Variants in ACVR1 observed in about 807,000 individuals in gnomAD.
The protein encoded by ACVR1 is activin A receptor type 1.
A neutral mutation model predicts 57.1 loss-of-function variants in ACVR1; 38 were observed. The ratio of observed to expected loss-of-function variants is 0.67; its 90% CI spans 0.51 to 0.87. The LOEUF (loss-of-function observed/expected upper bound fraction) is 0.87, where lower values mean the gene tolerates loss of function less well. Ranked by LOEUF, ACVR1 falls within the 40% of genes least tolerant of loss-of-function variation. The probability of loss-of-function intolerance (pLI) is 0.00; values close to 1 mark genes in which losing one functional copy is unlikely to be tolerated. For missense variants in ACVR1, 463 were observed against 638.2 expected (o/e 0.73, Z 2.96); for synonymous variants, 212 against 228.1 (o/e 0.93, Z 0.63).
At chr2:157,744,517 C>T (rs1684888883) in intron 9 of ACVR1, among the ~76,000 whole-genome samples, 1 of 152,106 alleles carries the variant, frequency 6.6e-6, no homozygotes, top group Non-Finnish European at 1.5e-5. Flanking sequence ...TAATAATTTC[C>T]TTTCAAAACA....
chr2:157,778,663 C>T (rs1230628864), intron 4 of ACVR1, among the ~76,000 whole-genome samples: 8 of 152,160 alleles, frequency 5.3e-5, no homozygotes, highest in African/African-American at 9.7e-5. Context: ...TGGTATGTTT[C>T]GCCATCAAGC....
intron 3 of ACVR1, among the ~76,000 whole-genome samples, chr2:157,795,808 T>G (rs1687092383): frequency 6.6e-6 from 1 of 152,152 alleles, no homozygotes; most frequent in African/African-American, 2.4e-5. Flanking sequence ...CCCACTCTTT[T>G]CCCCATTCTC....
At chr2:157,738,673 A>G (rs1684634708) in intron 9 of ACVR1, 103 bp from the exon 10 acceptor site, 1 of 1,556,768 alleles carries the variant, frequency 6.4e-7, no homozygotes, top group African/African-American at 1.4e-5. Flanking sequence ...AGAAGAAAAT[A>G]CTAATCACCT....
chr2:157,869,019 A>G (rs1028056895), intron 1 of ACVR1, among the ~76,000 whole-genome samples: 1 of 152,196 alleles, frequency 6.6e-6, no homozygotes, highest in Non-Finnish European at 1.5e-5. Flanking sequence ...TATGGGGGTC[A>G]TCTTCCCCAC....
intron 3 of ACVR1, among the ~76,000 whole-genome samples, chr2:157,786,821 G>A (rs2105289544): frequency 6.6e-6 from 1 of 152,254 alleles, no homozygotes; most frequent in East Asian, 1.9e-4. Flanking sequence ...GGTCAGTGCA[G>A]GACTTGGCTG....
intron 1 of ACVR1, among the ~76,000 whole-genome samples, chr2:157,845,887 C>T (rs1689114089): frequency 6.6e-6 from 1 of 152,144 alleles, no homozygotes; most frequent in Non-Finnish European, 1.5e-5. Flanking sequence ...ATAAAATGTA[C>T]AATGTGCTGT....
intron 2 of ACVR1, among the ~76,000 whole-genome samples, chr2:157,803,532 C>T (rs562300149): frequency 3.3e-5 from 5 of 152,136 alleles, no homozygotes; most frequent in Non-Finnish European, 5.9e-5. Context: ...AACATCAATA[C>T]GCTAAAATCT....
At chr2:157,753,380 T>C (rs894944697) in intron 9 of ACVR1, among the ~76,000 whole-genome samples, 8 of 151,984 alleles carry the variant, frequency 5.3e-5, no homozygotes, top group African/African-American at 1.9e-4. Flanking sequence ...ATACAAAAAT[T>C]AGCTGGGTGT....
At chr2:157,863,471 C>A (rs1238056899) in intron 1 of ACVR1, among the ~76,000 whole-genome samples, 1 of 146,660 alleles carries the variant, frequency 6.8e-6, no homozygotes, top group Non-Finnish European at 1.5e-5. Flanking sequence ...CCGAGGCCAG[C>A]GGATCACCTG....
chr2:157,771,458 T>C (rs995708114), intron 6 of ACVR1, among the ~76,000 whole-genome samples: 1 of 151,992 alleles, frequency 6.6e-6, no homozygotes, highest in Non-Finnish European at 1.5e-5. Context: ...GAGGAGGAGG[T>C]AATTACCACA....
chr2:157,844,237 T>C (rs1350452468), intron 1 of ACVR1, among the ~76,000 whole-genome samples: 1 of 152,132 alleles, frequency 6.6e-6, no homozygotes, highest in Non-Finnish European at 1.5e-5. Flanking sequence ...CTGGAAAGGA[T>C]TCCAGTGAAG....
intron 8 of ACVR1, among the ~76,000 whole-genome samples, chr2:157,764,237 C>T (rs1041685812): frequency 6.6e-6 from 1 of 152,058 alleles, no homozygotes; most frequent in Non-Finnish European, 1.5e-5. Flanking sequence ...GGCTGGAGTG[C>T]AATAGCGCGA....
At chr2:157,822,238 C>G (rs764313170) in intron 1 of ACVR1, among the ~76,000 whole-genome samples, 50 of 152,196 alleles carry the variant, frequency 3.3e-4, no homozygotes, top group Admixed American at 1.1e-3. Flanking sequence ...AGTTTTCCAA[C>G]CTATTAAATG....
At chr2:157,760,105 A>G (rs865999634) in intron 9 of ACVR1, among the ~76,000 whole-genome samples, 11 of 152,178 alleles carry the variant, frequency 7.2e-5, no homozygotes, top group Middle Eastern at 3.2e-3. Context: ...AGAGCAATCA[A>G]GCAAGACAAA....
At chr2:157,855,330 AC>A (rs1288424026) in intron 1 of ACVR1, among the ~76,000 whole-genome samples, 3 of 126,624 alleles carry the variant, frequency 2.4e-5, no homozygotes, top group Non-Finnish European at 5.0e-5. Context: ...ATATACACAC[AC>A]ACACACACAC....
intron 3 of ACVR1, among the ~76,000 whole-genome samples, chr2:157,793,424 A>G (rs1416280200): frequency 6.6e-6 from 1 of 152,162 alleles, no homozygotes; most frequent in Non-Finnish European, 1.5e-5. Flanking sequence ...ACTTCCCAGG[A>G]AGGAAAGGCT....
intron 9 of ACVR1, among the ~76,000 whole-genome samples, chr2:157,748,525 T>C (rs944655998): frequency 6.6e-6 from 1 of 152,038 alleles, no homozygotes; most frequent in Non-Finnish European, 1.5e-5. Flanking sequence ...TGCAAAACAA[T>C]TTCTCTGTTG....
intron 1 of ACVR1, among the ~76,000 whole-genome samples, chr2:157,842,080 C>T (rs529454597): frequency 3.6e-4 from 54 of 150,932 alleles, no homozygotes; most frequent in Admixed American, 5.9e-4. Context: ...ACTCAGGGAT[C>T]ACTCTGCTAC....
chr2:157,765,566 T>G (rs1685832547), intron 8 of ACVR1, among the ~76,000 whole-genome samples: 1 of 151,642 alleles, frequency 6.6e-6, no homozygotes, highest in Admixed American at 6.6e-5. Flanking sequence ...AAATTTTACC[T>G]GAAAAAAAGA....
Sources: gnomAD v4.1 joint callset for allele counts (sites outside exome capture counted in the v4.1 genomes callset) on GRCh38, gnomAD v4.1.1 for gene constraint, MANE v1.5 for transcripts, NCBI Gene and HGNC (gene_info 2026-07-23, HGNC 2026-07-21) for gene names.